The following AHI1 variants were observed in gnomAD, a reference collection of about 807,000 sequenced individuals.
AHI1 encodes the protein Abelson helper integration site 1.
A neutral mutation model predicts 149.3 loss-of-function variants in AHI1; 123 were observed. The ratio of observed to expected loss-of-function variants is 0.82; its 90% CI spans 0.71 to 0.96. AHI1 has a LOEUF of 0.96. Ranked by LOEUF, AHI1 falls within the 40% of genes least tolerant of loss-of-function variation. AHI1 has a pLI of 0.00. For missense variants in AHI1, 1,439 were observed against 1,422.7 expected, an observed-to-expected ratio of 1.01 and a Z score of -0.18; for synonymous variants, 475 against 459.8, an observed-to-expected ratio of 1.03 and a Z score of -0.42.
chr6:135,302,491 C>T lies in AHI1; in HGVS notation c.3427-1933G>A, dbSNP rs1454393679. ...GCTGTGATATCCTCAGAAAGTTTGT[C>T]TTAGGTATGTTAAACATGGTCCCTG... is the stretch of plus-strand genomic sequence containing the variant. On this transcript the variant is annotated intron_variant, in intron 26 of 28. Transcript: ENST00000265602. The T allele has an allele frequency of 3.9e-6, 4 of 1,013,952 alleles. No individual in the cohort carries two copies. The Admixed American group carries it at 1.6e-4, about 41-fold the overall frequency. 62.8% of individuals were successfully genotyped at this position (1,013,952 alleles called of 1,614,324 possible). A position where few individuals can be genotyped will look rare whatever the true frequency, so the allele number is the denominator to read the frequency against.
intron 7 of AHI1, 142 bp downstream of exon 7, chr6:135,465,672 A>C (rs1790627647): frequency 3.4e-6 from 2 of 596,982 alleles, no homozygotes; most frequent in Non-Finnish European, 5.3e-6. Context: ...GTTATGTAAA[A>C]GTTAGCTGTT....
At chr6:135,398,693 T>C (rs921292330) in intron 22 of AHI1, among the ~76,000 whole-genome samples, 7 of 152,200 alleles carry the variant, frequency 4.6e-5, no homozygotes, top group Non-Finnish European at 1.0e-4. Flanking sequence ...TTACCTCCTT[T>C]TCTCTCTTAG....
intron 5 of AHI1, chr6:135,474,357 T>C (rs1427664653): frequency 6.6e-6 from 1 of 152,194 alleles, no homozygotes; most frequent in Non-Finnish European, 1.5e-5. Context: ...GGGTCTCCAG[T>C]ACAATTGTGA....
At chr6:135,467,312 T>C (rs1203615790) in intron 6 of AHI1, among the ~76,000 whole-genome samples, 4 of 152,042 alleles carry the variant, frequency 2.6e-5, no homozygotes, top group Non-Finnish European at 4.4e-5. Context: ...TCAAATACAA[T>C]AAATAAATGA....
intron 5 of AHI1, among the ~76,000 whole-genome samples, chr6:135,483,567 C>A (rs377273843): frequency 9.2e-5 from 14 of 152,282 alleles, no homozygotes; most frequent in South Asian, 4.1e-4. Context: ...AATGTATACG[C>A]AACTTCATAA....
intron 26 of AHI1, chr6:135,301,682 T>C: frequency 1.0e-6 from 1 of 985,454 alleles, no homozygotes; most frequent in Non-Finnish European, 1.2e-6. Context: ...GGAGACTTTT[T>C]GGTGAAAGGT....
At chr6:135,351,177 CACAA>C (rs1446480292) in intron 24 of AHI1, among the ~76,000 whole-genome samples, 1 of 149,148 alleles carries the variant, frequency 6.7e-6, no homozygotes, top group Non-Finnish European at 1.5e-5. Context: ...TTGACTAAGA[CACAA>C]ACAAGCTGTG....
intron 3 of AHI1, among the ~76,000 whole-genome samples, chr6:135,493,910 G>A (rs191632939): frequency 1.4e-4 from 22 of 152,330 alleles, no homozygotes; most frequent in African/African-American, 5.1e-4. Context: ...AGGCGTGGTG[G>A]TGGGTGCCTG....
chr6:135,465,051 C>A (rs530592603), intron 7 of AHI1, among the ~76,000 whole-genome samples: 1 of 152,092 alleles, frequency 6.6e-6, no homozygotes. Context: ...TTATTACCAC[C>A]GGTCACCTAG....
chr6:135,380,746 A>C lies in AHI1; in HGVS notation c.3109+14030T>G, dbSNP rs1388380369. The stretch of plus-strand genomic sequence containing the variant: ...AAGTAAAATAACCCCCCCCCCCCCA[A>C]AAAAAAAGTACAAAGTTAAAACAAG... On this transcript the variant is annotated intron_variant, in intron 23 of 28. Coordinates refer to ENST00000265602, the MANE Select transcript of AHI1 (RefSeq NM_001134831.2). Among the ~76,000 whole-genome samples the C allele has an allele frequency of 9.1e-3, 336 of 36,890 alleles. 7 individuals are homozygous for C. Among genetic ancestry groups the C allele is most frequent in the Admixed American group, 0.027 (109 of 4,028 alleles). 24.2% of individuals were successfully genotyped at this position (36,890 alleles called of 152,430 possible). A position where few individuals can be genotyped will look rare whatever the true frequency, so the allele number is the denominator to read the frequency against.
intron 26 of AHI1, among the ~76,000 whole-genome samples, chr6:135,309,358 A>G (rs1259376594): frequency 6.6e-6 from 1 of 152,226 alleles, no homozygotes; most frequent in African/African-American, 2.4e-5. Flanking sequence ...AATAACATTT[A>G]TATGAAATTA....
At chr6:135,491,146 G>A (rs1795196911) in intron 4 of AHI1, among the ~76,000 whole-genome samples, 1 of 152,102 alleles carries the variant, frequency 6.6e-6, no homozygotes, top group African/African-American at 2.4e-5. Context: ...AATGGCTAAG[G>A]TGTGCCTAGC....
chr6:135,316,711 G>T (rs1303092653), intron 26 of AHI1, among the ~76,000 whole-genome samples: 1 of 151,152 alleles, frequency 6.6e-6, no homozygotes, highest in Non-Finnish European at 1.5e-5. Context: ...ATACTTTCTG[G>T]GCTCTGCCTT....
At chr6:135,303,573 A>G (rs1211374415) in intron 26 of AHI1, among the ~76,000 whole-genome samples, 1 of 150,670 alleles carries the variant, frequency 6.6e-6, no homozygotes, top group African/African-American at 2.4e-5. Flanking sequence ...TTTTCACTTG[A>G]AAGTAGGTGA....
chr6:135,492,545 T>A, intron 3 of AHI1: 1 of 983,054 alleles, frequency 1.0e-6, no homozygotes, highest in Non-Finnish European at 1.2e-6. Flanking sequence ...AAAAAAACAT[T>A]TTGAAGGCAG....
chr6:135,368,103 G>A (rs571418608), intron 23 of AHI1, among the ~76,000 whole-genome samples: 12 of 152,224 alleles, frequency 7.9e-5, no homozygotes, highest in East Asian at 1.9e-4. Flanking sequence ...AGCTGTGATC[G>A]TTGTTTTTCT....
At chr6:135,435,569 G>T (rs781481753) in intron 15 of AHI1, among the ~76,000 whole-genome samples, 3 of 152,150 alleles carry the variant, frequency 2.0e-5, no homozygotes, top group Non-Finnish European at 2.9e-5. Context: ...AAAGCAAAGG[G>T]TACAAGGGAA....
In AHI1 at chr6:135,484,176, A is replaced by G. The variant is rs140494882; in HGVS notation, c.135+6447T>C. Among the ~76,000 whole-genome samples the G allele has an allele frequency of 9.4e-3, 1,426 of 152,256 alleles. 38 individuals are homozygous for G. Among genetic ancestry groups the G allele is most frequent in the African/African-American group, 0.033 (1,363 of 41,512 alleles). The stretch of plus-strand genomic sequence containing the variant: ...ACTTATTCACTATGATGAGAACAGC[A>G]TGGGAAAGACCTGCTCCCATGATTC... On this transcript the variant is annotated intron_variant, in intron 5 of 28. Transcript: ENST00000265602.
intron 24 of AHI1, among the ~76,000 whole-genome samples, chr6:135,356,063 C>T (rs969459991): frequency 2.6e-5 from 4 of 152,104 alleles, no homozygotes; most frequent in African/African-American, 7.2e-5. Context: ...GGAACGTGGG[C>T]ATGAAAATGG....
Sources: gnomAD v4.1 joint callset for allele counts (sites outside exome capture counted in the v4.1 genomes callset) on GRCh38, gnomAD v4.1.1 for gene constraint, MANE v1.5 for transcripts, NCBI Gene and HGNC (gene_info 2026-07-23, HGNC 2026-07-21) for gene names.